TTN: variants seen among roughly 807,000 people sequenced by gnomAD.
The protein encoded by TTN is connectin.
A neutral mutation model predicts 3,223.0 loss-of-function variants in TTN; 1,525 were observed. The observed-to-expected ratio is 0.47, with a 90% confidence interval of 0.45 to 0.49. TTN has a LOEUF of 0.49. Among genes scored for constraint, TTN ranks in the 20% least tolerant of loss-of-function variants. The pLI is 0.00. For missense variants in TTN, 40,786 were observed against 43,424.0 expected (o/e 0.94, Z 5.40); for synonymous variants, 14,094 against 15,161.0 (o/e 0.93, Z 5.17).
Position 178,537,400 on chromosome 2 carries a change from T to C in TTN, c.99807A>G (p.Lys33269=). 1.9e-6 allele frequency: 3 copies of C among 1,607,568 alleles called. No individual in the cohort carries two copies. Among genetic ancestry groups the C allele is most frequent in the Admixed American group, 3.3e-5 (2 of 59,742 alleles). The change falls in exon 355 of 363, where the codon AAA becomes AAG. Residue 33269 remains lysine, a synonymous_variant. Transcript: ENST00000589042. ...VQRKTHAGKY[K]VQLSNVFGTV... ...TTCCAAAAACATTGCTGAGCTGGACTTTGTATTTCCCAGCATGAGTCTTAC... is the reference window on the plus strand; with the variant it reads ...TTCCAAAAACATTGCTGAGCTGGACCTTGTATTTCCCAGCATGAGTCTTAC...
At position 178,731,914 on chromosome 2, in the gene TTN, A is replaced by C. The variant is rs763581306; in HGVS notation, c.16961T>G (p.Val5654Gly). 19 of 1,613,696 alleles carry C rather than the reference A, an allele frequency of 1.2e-5. No individual in the cohort carries two copies. Among genetic ancestry groups the C allele is most frequent in the Non-Finnish European group, 1.4e-5 (16 of 1,179,698 alleles). Residue 5654 changes from valine to glycine, a missense_variant, in exon 58 of 363, where the codon GTC becomes GGC. Val to Gly is a moderately radical substitution (Grantham distance 109). Coordinates refer to ENST00000589042, the MANE Select transcript of TTN (RefSeq NM_001267550.2). ...KPIEVLKEYDVMLLAEVAGTP... is the reference protein window; with the variant it reads ...KPIEVLKEYDGMLLAEVAGTP... ...GCCTGCCACCTCAGCCAGCAACATGACATCGTACTCCTTTAAGACTTCAAT... is the reference window on the plus strand; with the variant it reads ...GCCTGCCACCTCAGCCAGCAACATGCCATCGTACTCCTTTAAGACTTCAAT...
chr2:178,675,201 G>A, intron 149 of TTN, 88 bp from the exon 150 acceptor site: 1 of 788,692 alleles, frequency 1.3e-6, no homozygotes, highest in Non-Finnish European at 2.0e-6. Flanking sequence ...ACATAAGAGA[G>A]TAAATATCAC....
Position 178,527,529 on chromosome 2 carries a change from A to T in TTN, c.107597T>A (p.Met35866Lys). 6.2e-7 allele frequency: 1 copy of T among 1,614,022 alleles called. No individual in the cohort carries two copies. Among genetic ancestry groups the T allele is most frequent in the Non-Finnish European group, 8.5e-7 (1 of 1,179,894 alleles). The change falls in exon 362 of 363, where the codon ATG becomes AAG. Residue 35866 changes from methionine (M) to lysine (K), a missense_variant. Coordinates refer to ENST00000589042, the MANE Select transcript of TTN (RefSeq NM_001267550.2). ...MSSMQESFVEMSSSSFMGISN... is the reference protein window; with the variant it reads ...MSSMQESFVEKSSSSFMGISN... ...TATTCCCATAAAGCTGCTGGAACTC[A>T]TTTCTACAAAGGACTCTTGCATGGA...
rs55744009 is a variant in TTN, at chr2:178,563,320, G to C, written c.82812C>G (p.Gly27604=). The C allele has an allele frequency of 6.2e-7, 1 of 1,613,494 alleles. No individual in the cohort carries two copies. Residue 27604 remains glycine, a synonymous_variant, in exon 326 of 363, where the codon GGC becomes GGG. Transcript: ENST00000589042. The surrounding 1 kb of genome is among the most constrained non-coding windows in gnomAD (Gnocchi z 4.5). ...PIYDGGAPVK[G]YVVEVKEAAA... is the part of the protein sequence containing the mutation. ...CAGCTTCTTTGACCTCTACAACATA[G>C]CCTTTAACAGGTGCGCCACCATCAT...
chr2:178,696,234 C>G lies in TTN; in HGVS notation c.30838G>C (p.Glu10280Gln). 6.4e-7 allele frequency: 1 copy of G among 1,561,554 alleles called. No individual in the cohort carries two copies. The highest frequency in any genetic ancestry group is 8.7e-7 in the Non-Finnish European group (1 of 1,153,514). Residue 10280 changes from glutamate to glutamine, a missense_variant, in exon 114 of 363, where the codon GAA becomes CAA. Glu to Gln is a conservative substitution (Grantham distance 29). Transcript: ENST00000589042. ...CTGGTTATAGTCATTATTTTTACTT[C>G]TTCAGCTTTAGAGGATACATCAATG... ...EIIDVSSKAE[E>Q]VKIMTITRKK...
rs1218452914 is a variant in TTN at position 178,674,398 on chromosome 2, G to A, written c.34624C>T (p.Pro11542Ser). 1.9e-6 allele frequency: 3 copies of A among 1,566,090 alleles called. No homozygotes were observed. Among genetic ancestry groups the A allele is most frequent in the Non-Finnish European group, 8.7e-7 (1 of 1,148,534 alleles). ...TCTTCTGAAATAGGCTCTTCTTCAG[G>A]CTCCTCAGTCACTTTAAAAAGATTA... ...EVLPVEVTEE[P>S]EEEPISEEEI... is the part of the protein sequence containing the mutation. The change falls in exon 151 of 363, where the codon CCT (proline) becomes TCT (serine). Residue 11542 changes from proline (P) to serine (S), a missense_variant. Physicochemically the swap from Pro to Ser is moderately conservative, Grantham distance 74 (BLOSUM62 -1). Coordinates refer to ENST00000589042, the MANE Select transcript of TTN (RefSeq NM_001267550.2).
In TTN at chr2:178,794,560, G is replaced by A; in HGVS notation, c.1246-9C>T. 6.2e-7 allele frequency: 1 copy of A among 1,614,158 alleles called. No homozygotes were observed. The highest frequency in any genetic ancestry group is 1.1e-5 in the South Asian group (1 of 91,082). The stretch of plus-strand genomic sequence containing the variant: ...TCAGCATCTTGTTTCACCTAGATTA[G>A]AAATGACCAAGTAGATTACTTTTTT... On this transcript the variant is annotated splice_polypyrimidine_tract_variant and intron_variant, in intron 7 of 362. Transcript: ENST00000589042.
rs1288988950 is a variant in TTN, at chr2:178,533,243, A to G, written c.103372T>C (p.Tyr34458His). 8.7e-6 allele frequency: 14 copies of G among 1,613,676 alleles called. No homozygotes were observed. Among genetic ancestry groups the G allele is most frequent in the African/African-American group, 4.0e-5 (3 of 74,850 alleles). ...TTACTCTTGAATTCCTGTTTCTTGTACCTCAGGCGTTCCACTTGTAGGTGA... is the reference window on the plus strand; with the variant it reads ...TTACTCTTGAATTCCTGTTTCTTGTGCCTCAGGCGTTCCACTTGTAGGTGA... ...QAHLQVERLR[Y>H]KKQEFKSKEE... is the part of the protein sequence containing the mutation. The change falls in exon 358 of 363, where the codon TAC becomes CAC. Residue 34458 changes from tyrosine (Y) to histidine (H), a missense_variant. Transcript: ENST00000589042.
Position 178,550,993 on chromosome 2 carries a change from C to T in TTN, c.91538G>A (p.Gly30513Asp), listed in dbSNP as rs748076186. The T allele has an allele frequency of 6.2e-6, 10 of 1,613,058 alleles. No individual in the cohort carries two copies. The highest frequency in any genetic ancestry group is 4.5e-5 in the East Asian group (2 of 44,782). Residue 30513 changes from glycine to aspartate, a missense_variant, in exon 336 of 363, where the codon GGC (glycine) becomes GAC (aspartate). Transcript: ENST00000589042. ...ATTTTCATCTCTTGTCATAATAATG[C>T]CAGAAGACTGTGAGGGCGGGCTTAT... ...GTISPPSQSS[G>D]IIMTRDENVP... is the part of the protein sequence containing the mutation.
Position 178,602,415 on chromosome 2 carries a change from T to G in TTN, c.54987A>C (p.Ile18329=). ...TAGGCACCACACATTCACAGGTAGT[T>G]ATAAGTTTGTCTGGTTCATTTACTC... ...WKRVNEPDKL[I]TTCECVVPNL... is the part of the protein sequence containing the mutation. Residue 18329 remains isoleucine (I), a synonymous_variant, in exon 283 of 363, where the codon ATA becomes ATC. Coordinates refer to ENST00000589042, the MANE Select transcript of TTN (RefSeq NM_001267550.2). 1 of 1,612,714 alleles carries G rather than the reference T, an allele frequency of 6.2e-7. No homozygotes were observed. The highest frequency in any genetic ancestry group is 1.1e-5 in the South Asian group (1 of 91,038).
At chr2:178,747,779 A>G (rs1476590422) in intron 47 of TTN, 26 of 1,612,008 alleles carry the variant, frequency 1.6e-5, no homozygotes, top group Non-Finnish European at 2.1e-5. Flanking sequence ...TTCTCCTTCT[A>G]AAGTGGAGAA....
At position 178,757,787 on chromosome 2, in the gene TTN, T is replaced by C; in HGVS notation, c.10433A>G (p.Asn3478Ser). Residue 3478 changes from asparagine (N) to serine (S), a missense_variant, in exon 45 of 363, where the codon AAC becomes AGC. Asn to Ser is a conservative substitution (Grantham distance 46, BLOSUM62 1). Transcript: ENST00000589042. ...IQPLSSLRVH[N>S]GETVRFHARV... Reference sequence around the variant, plus strand: ...CGCATGAAATCTGACTGTCTCCCCGTTGTGCACCCTGAGGCTTGACAGAGG... The same window carrying C: ...CGCATGAAATCTGACTGTCTCCCCGCTGTGCACCCTGAGGCTTGACAGAGG... 6.2e-7 allele frequency: 1 copy of C among 1,613,744 alleles called. No homozygotes were observed. Among genetic ancestry groups the C allele is most frequent in the Non-Finnish European group, 8.5e-7 (1 of 1,179,692 alleles).
intron 15 of TTN, 83 bp downstream of exon 15, chr2:178,785,537 G>T: frequency 6.3e-7 from 1 of 1,592,808 alleles, no homozygotes. Flanking sequence ...TCCTCCATTG[G>T]CCTACCCCAG....
At chr2:178,720,787 T>C in intron 79 of TTN, 124 bp from the exon 80 acceptor site, 2 of 1,369,908 alleles carry the variant, frequency 1.5e-6, no homozygotes, top group Non-Finnish European at 1.9e-6. Flanking sequence ...ACACAAGAAA[T>C]GACAATTCAT....
rs1442749271 is a variant in TTN, at chr2:178,650,189, C to A, written c.39792G>T (p.Glu13264Asp). The A allele has an allele frequency of 6.3e-7, 1 of 1,590,910 alleles. No homozygotes were observed. The highest frequency in any genetic ancestry group is 2.3e-5 in the East Asian group (1 of 43,912). The change falls in exon 210 of 363, where the codon GAG becomes GAT. Residue 13264 changes from glutamate to aspartate, a missense_variant. Physicochemically the swap from Glu to Asp is conservative, Grantham distance 45. Transcript: ENST00000589042. ...EEKPVPVAEE[E>D]EPEVPPPAVP... The stretch of plus-strand genomic sequence containing the variant: ...CTGCTGGAGGTGGAACCTCTGGTTC[C>A]TCCTCTTCTGCAACAGGAACTGGCT...
At chr2:178,601,598 C>G in intron 286 of TTN, 34 bp from the exon 287 acceptor site, 4 of 1,588,164 alleles carry the variant, frequency 2.5e-6, no homozygotes, top group Non-Finnish European at 3.4e-6. Flanking sequence ...AAGCAACGTT[C>G]CTTAAATGCT....
In TTN at chr2:178,740,259, C is replaced by T. The variant is rs1297015681; in HGVS notation, c.12974G>A (p.Gly4325Asp). The change falls in exon 48 of 363, where the codon GGC (glycine) becomes GAC (aspartate). Residue 4325 changes from glycine to aspartate, a missense_variant. Physicochemically the swap from Gly to Asp is moderately conservative, Grantham distance 94 (BLOSUM62 -1). Coordinates refer to ENST00000589042, the MANE Select transcript of TTN (RefSeq NM_001267550.2). ...TGCTAGTGGAAATCTTAAGGACTTG[C>T]CTTCCTCAATTCTGACCGCAGAATC... ...GQDSAVRIEE[G>D]KSLRFPLALE... The T allele has an allele frequency of 8.1e-6, 13 of 1,613,494 alleles. No homozygotes were observed. Among genetic ancestry groups the T allele is most frequent in the Non-Finnish European group, 1.1e-5 (13 of 1,179,820 alleles).
chr2:178,705,018 G>A lies in TTN; in HGVS notation c.29605-52C>T. On this transcript the variant is annotated intron_variant, in intron 103 of 362. Coordinates refer to ENST00000589042, the MANE Select transcript of TTN (RefSeq NM_001267550.2). ...TACAGATGAAACAAAATTTGATTTAGAGGACGCATGACTATATTCAGCTTC... is the reference window on the plus strand; with the variant it reads ...TACAGATGAAACAAAATTTGATTTAAAGGACGCATGACTATATTCAGCTTC... 4 of 1,600,238 alleles carry A rather than the reference G, an allele frequency of 2.5e-6. No individual in the cohort carries two copies. In the South Asian group the frequency reaches 3.3e-5, roughly 13 times the overall value.
At position 178,684,984 on chromosome 2, in the gene TTN, C is replaced by T; in HGVS notation, c.32476G>A (p.Glu10826Lys). Residue 10826 changes from glutamate (E) to lysine (K), a missense_variant, in exon 130 of 363, where the codon GAA becomes AAA. Coordinates refer to ENST00000589042, the MANE Select transcript of TTN (RefSeq NM_001267550.2). ...TCTGGCACAATTTTCTTAGGTGCTTCAGGAACTTTAGAAAGATTAGGTTTA... is the reference window on the plus strand; with the variant it reads ...TCTGGCACAATTTTCTTAGGTGCTTTAGGAACTTTAGAAAGATTAGGTTTA... ...IEEPPPAKVPEAPKKIVPEKK... is the reference protein window; with the variant it reads ...IEEPPPAKVPKAPKKIVPEKK... 1 of 1,600,612 alleles carries T rather than the reference C, an allele frequency of 6.2e-7. No homozygotes were observed.
Sources: allele counts gnomAD v4.1 joint callset, GRCh38; gene constraint gnomAD v4.1.1; non-coding constraint Gnocchi (gnomAD v3.1); transcripts MANE v1.5; gene names NCBI Gene and HGNC (gene_info 2026-07-23, HGNC 2026-07-21).